FXR1: variants seen among roughly 807,000 people sequenced by gnomAD.
FXR1 encodes the protein RNA-binding protein FXR1.
FXR1 carries 15 observed loss-of-function variants against 84.0 expected under a neutral mutation model. That is an observed-to-expected ratio of 0.18 (90% CI 0.12 to 0.27). The LOEUF (loss-of-function observed/expected upper bound fraction) is 0.27. Ranked by LOEUF, FXR1 falls within the 10% of genes least tolerant of loss-of-function variation. FXR1 has a pLI of 1.00. For synonymous variants in FXR1, 245 were observed against 250.7 expected (o/e 0.98, Z 0.21); for missense variants, 480 against 774.4 (o/e 0.62, Z 4.51).
Position 180,968,125 on chromosome 3 carries a change from G to A in FXR1, c.1273G>A (p.Ala425Thr), listed in dbSNP as rs761785627. The A allele has an allele frequency of 2.5e-6, 4 of 1,613,444 alleles. No homozygotes were observed. Among genetic ancestry groups the A allele is most frequent in the Middle Eastern group, 3.3e-4 (2 of 6,060 alleles). Residue 425 changes from alanine to threonine, a missense_variant, in exon 14 of 17, where the codon GCA (alanine) becomes ACA (threonine). Physicochemically the swap from Ala to Thr is moderately conservative, Grantham distance 58. Around this residue, in one of 6 missense-constraint regions of FXR1, gnomAD observed 157 missense variants for 227.8 expected, o/e 0.69. Coordinates refer to ENST00000357559, the MANE Select transcript of FXR1 (RefSeq NM_005087.4). ...RKDELSDWSL[A>T]GEDDRDSRHQ... Reference sequence around the variant, plus strand: ...AGACGAGCTGAGTGATTGGTCATTGGCAGGAGAAGATGATCGAGACAGCCG... The same window carrying A: ...AGACGAGCTGAGTGATTGGTCATTGACAGGAGAAGATGATCGAGACAGCCG...
chr3:180,971,865 A>T (rs1450537831), intron 15 of FXR1: 1 of 152,594 alleles, frequency 6.6e-6, no homozygotes. Flanking sequence ...CAATGAAGCA[A>T]TTGTGTGCAC....
At chr3:180,946,070 A>G (rs1037146677) in intron 3 of FXR1, among the ~76,000 whole-genome samples, 1 of 151,964 alleles carries the variant, frequency 6.6e-6, no homozygotes, top group Non-Finnish European at 1.5e-5. Flanking sequence ...TCCTCTGTAA[A>G]TTTTTCTTCT....
chr3:180,921,232 G>T (rs1449112620), intron 1 of FXR1, among the ~76,000 whole-genome samples: 1 of 151,954 alleles, frequency 6.6e-6, no homozygotes, highest in Non-Finnish European at 1.5e-5. Flanking sequence ...GCAGGGCATG[G>T]TGGCTGGTGC....
chr3:180,961,393 C>A, intron 10 of FXR1, 75 bp from the exon 11 acceptor site: 1 of 503,996 alleles, frequency 2.0e-6, no homozygotes, highest in South Asian at 2.5e-5. Context: ...GCCTGCCTGT[C>A]AGTTTCATGT....
intron 1 of FXR1, among the ~76,000 whole-genome samples, chr3:180,913,483 A>G (rs1463819552): frequency 1.3e-5 from 2 of 152,166 alleles, no homozygotes; most frequent in African/African-American, 2.4e-5. Flanking sequence ...ATTTCTTTAT[A>G]TCACTGCCCC....
intron 3 of FXR1, 29 bp from the exon 4 acceptor site, chr3:180,947,836 T>A (rs772981757): frequency 7.3e-7 from 1 of 1,360,952 alleles, no homozygotes; most frequent in Non-Finnish European, 1.0e-6. Flanking sequence ...TTGGGATGAA[T>A]GGATATAGGC....
At chr3:180,960,664 C>T (rs1711977933) in intron 10 of FXR1, among the ~76,000 whole-genome samples, 2 of 151,972 alleles carry the variant, frequency 1.3e-5, no homozygotes, top group Non-Finnish European at 2.9e-5. Flanking sequence ...GGGCTTTCTC[C>T]ATGCTGCCCA....
At position 180,968,984 on chromosome 3, in the gene FXR1, G is replaced by A. The variant is rs143237358; in HGVS notation, c.1402+730G>A. Among the ~76,000 whole-genome samples the A allele has an allele frequency of 4.2e-4, 64 of 152,158 alleles. 1 individual carries two copies. In the East Asian group the frequency reaches 8.7e-3, roughly 21 times the overall value. The stretch of plus-strand genomic sequence containing the variant: ...TATGGTATACCACGTTAAGAAACCC[G>A]CACCTTCCTTAATGTTATACCCATG... On this transcript the variant is annotated intron_variant, in intron 14 of 16. Transcript: ENST00000357559.
chr3:180,948,255 G>A (rs773713561), intron 4 of FXR1, 92 bp from the exon 5 acceptor site: 18 of 879,034 alleles, frequency 2.0e-5, no homozygotes, highest in South Asian at 4.9e-5. Context: ...GGGAGGGTCC[G>A]TTGGTTAAGC....
At position 180,982,076 on chromosome 3, in the gene FXR1, G is replaced by C. The variant is rs1447332837; in HGVS notation, c.*5784G>C. On this transcript the variant is annotated 3_prime_UTR_variant, in exon 17 of 17. Coordinates refer to ENST00000357559, the MANE Select transcript of FXR1 (RefSeq NM_005087.4). The stretch of plus-strand genomic sequence containing the variant: ...AATTGTGAAGGCCATAGTACAAAAA[G>C]TTAAGAGAACGGAACTCAGGATCTG... The C allele has an allele frequency of 6.6e-6, 1 of 152,056 alleles. No homozygotes were observed. The allele number at this position is 152,056 out of a possible 1,614,324, so 9.4% of individuals were successfully genotyped here.
chr3:180,974,333 G>C (rs1713957479), intron 15 of FXR1, among the ~76,000 whole-genome samples: 2 of 152,016 alleles, frequency 1.3e-5, no homozygotes, highest in Non-Finnish European at 2.9e-5. Context: ...AATTCTGACG[G>C]GGTTTCACCA....
intron 13 of FXR1, among the ~76,000 whole-genome samples, chr3:180,967,444 T>G (rs1020861901): frequency 6.6e-6 from 1 of 152,164 alleles, no homozygotes; most frequent in Admixed American, 6.5e-5. Context: ...ATATGATTAA[T>G]TTACTCAAAT....
chr3:180,913,194 G>C (rs1234630547), intron 1 of FXR1, among the ~76,000 whole-genome samples: 27 of 152,212 alleles, frequency 1.8e-4, no homozygotes, highest in Non-Finnish European at 2.9e-5. Flanking sequence ...CACCCCTTGG[G>C]GCGGGTGTAT....
chr3:180,970,383 A>AAAATATATATATATATAT (rs1713378007), intron 15 of FXR1, 25 bp downstream of exon 15: 4 of 366,380 alleles, frequency 1.1e-5, no homozygotes, highest in African/African-American at 6.1e-5. Flanking sequence ...AGGGAAGAGA[A>AAAATATATATATATATAT]ATATATATAT....
intron 11 of FXR1, among the ~76,000 whole-genome samples, chr3:180,962,255 C>G (rs563322116): frequency 5.3e-5 from 8 of 152,168 alleles, no homozygotes; most frequent in Non-Finnish European, 8.8e-5. Flanking sequence ...ATTTTGAGAT[C>G]ACTCTGATAA....
At chr3:180,947,416 C>T (rs1721813135) in intron 3 of FXR1, among the ~76,000 whole-genome samples, 1 of 152,094 alleles carries the variant, frequency 6.6e-6, no homozygotes, top group African/African-American at 2.4e-5. Context: ...TTTTTTTGTT[C>T]AGTTAAACAA....
chr3:180,949,440 G>T, intron 7 of FXR1, 97 bp downstream of exon 7: 1 of 747,742 alleles, frequency 1.3e-6, no homozygotes, highest in South Asian at 1.4e-5. Flanking sequence ...AGGCTAGAGT[G>T]CAGTGGCACA....
intron 1 of FXR1, among the ~76,000 whole-genome samples, chr3:180,926,202 T>C (rs549587356): frequency 4.7e-4 from 72 of 152,236 alleles, no homozygotes; most frequent in Non-Finnish European, 8.8e-4. Context: ...TGCCAGCGAT[T>C]CATGAGAAGA....
chr3:180,974,412 G>C (rs1713965070), intron 15 of FXR1, among the ~76,000 whole-genome samples: 1 of 152,120 alleles, frequency 6.6e-6, no homozygotes, highest in Non-Finnish European at 1.5e-5. Context: ...CAAAGTGCTG[G>C]GTTTACAGGT....
Sources: gnomAD v4.1 joint callset for allele counts (sites outside exome capture counted in the v4.1 genomes callset) on GRCh38, gnomAD v4.1.1 for gene constraint, gnomAD v4.1.1 regional missense constraint, MANE v1.5 for transcripts, NCBI Gene and HGNC (gene_info 2026-07-23, HGNC 2026-07-21) for gene names.